The following TENM1 variants were observed in gnomAD, a reference collection of about 807,000 sequenced individuals.
The protein encoded by TENM1 is teneurin-1.
A neutral mutation model predicts 174.8 loss-of-function variants in TENM1; 35 were observed. The ratio of observed to expected loss-of-function variants is 0.20; its 90% confidence interval spans 0.15 to 0.27. The LOEUF (loss-of-function observed/expected upper bound fraction) is 0.27, where lower values mean the gene tolerates loss of function less well. Ranked by LOEUF, TENM1 falls within the 10% of genes least tolerant of loss-of-function variation. TENM1 has a pLI of 1.00. For synonymous variants in TENM1, 781 were observed against 798.7 expected (o/e 0.98, Z 0.37); for missense variants, 1,633 against 2,130.1 (o/e 0.77, Z 4.59).
chrX:124,758,414 T>G (rs2054320930), intron 3 of TENM1, among the ~76,000 whole-genome samples: 1 of 111,534 alleles, frequency 9.0e-6, no homozygotes, highest in African/African-American at 3.3e-5. Context: ...GTGGAGAAAT[T>G]GGAATCTTTG....
chrX:125,178,550 GAAAGA>G, the TENM1 span, among the ~76,000 whole-genome samples: 659 of 110,620 alleles, frequency 6.0e-3, 2 homozygotes, highest in Middle Eastern at 0.023. Flanking sequence ...CAAAAAAAAA[GAAAGA>G]AAAGAAGAAA....
At chrX:124,913,982 T>C (rs957787665) in intron 1 of TENM1, among the ~76,000 whole-genome samples, 1 of 111,957 alleles carries the variant, frequency 8.9e-6, no homozygotes, top group Non-Finnish European at 1.9e-5. Context: ...AGGCATGTAT[T>C]ATTATCTTGT....
chrX:124,869,320 G>A (rs1321954610), intron 3 of TENM1, among the ~76,000 whole-genome samples: 1 of 111,406 alleles, frequency 9.0e-6, no homozygotes, highest in Non-Finnish European at 1.9e-5. Context: ...AGAATGTGCA[G>A]AAAAGGGAAT....
intron 4 of TENM1, among the ~76,000 whole-genome samples, chrX:124,716,151 C>T (rs918094500): frequency 2.7e-5 from 3 of 111,911 alleles, no homozygotes; most frequent in African/African-American, 9.8e-5. Context: ...AAATCAGTCC[C>T]TTAATCTATC....
chrX:124,851,300 T>C (rs2056715279), intron 3 of TENM1, among the ~76,000 whole-genome samples: 1 of 111,655 alleles, frequency 9.0e-6, no homozygotes, highest in African/African-American at 3.2e-5. Context: ...TCAGTCCTTA[T>C]TTACAGGGCT....
intron 1 of TENM1, among the ~76,000 whole-genome samples, chrX:124,946,038 G>A (rs967507778): frequency 8.9e-6 from 1 of 111,987 alleles, no homozygotes; most frequent in Non-Finnish European, 1.9e-5. Flanking sequence ...GTCCCATGAT[G>A]TGTTAACCCT....
At position 124,736,999 on chromosome X, in the gene TENM1, T is replaced by A; in HGVS notation, c.734A>T (p.His245Leu). 1 of 1,211,558 alleles carries A rather than the reference T, an allele frequency of 8.3e-7. No homozygotes were observed. Among genetic ancestry groups the A allele is most frequent in the South Asian group, 1.8e-5 (1 of 56,921 alleles). The change falls in exon 4 of 32, where the codon CAT becomes CTT. Residue 245 changes from histidine to leucine, a missense_variant. By Grantham distance (99) the His-to-Leu change is moderately conservative (BLOSUM62 -3). Around this residue, in one of 4 missense-constraint regions of TENM1, gnomAD observed 305 missense variants for 309.2 expected, o/e 0.99. Transcript: ENST00000422452. ...GTTGCTGTTCAGGACCCAGCTGTTA[T>A]GCAGATGGACTGAATCCTGCGTGCT...
intron 3 of TENM1, among the ~76,000 whole-genome samples, chrX:124,863,351 C>T (rs2056946935): frequency 9.0e-6 from 1 of 111,098 alleles, no homozygotes; most frequent in African/African-American, 3.3e-5. Context: ...TATTGAACAG[C>T]ATTTCTGGAC....
chrX:124,760,410 C>T (rs1417827062), intron 3 of TENM1, among the ~76,000 whole-genome samples: 1 of 111,420 alleles, frequency 9.0e-6, no homozygotes, highest in African/African-American at 3.3e-5. Flanking sequence ...TAATTGAATC[C>T]CCTTTATTTC....
chrX:124,931,495 T>C (rs999622427), intron 1 of TENM1, among the ~76,000 whole-genome samples: 7 of 110,900 alleles, frequency 6.3e-5, no homozygotes, highest in Non-Finnish European at 9.4e-5. Context: ...AGAGGAACCA[T>C]GAGGCTGAAA....
At chrX:124,981,629 G>T in the TENM1 span, among the ~76,000 whole-genome samples, 1 of 111,130 alleles carries the variant, frequency 9.0e-6, no homozygotes, top group Non-Finnish European at 1.9e-5. Context: ...TAAACCCATG[G>T]GAGCGTGGAC....
chrX:124,894,339 A>G (rs2057525101), exon 3 of TENM1: 2 of 1,195,039 alleles, frequency 1.7e-6, no homozygotes, highest in African/African-American at 1.8e-5. Flanking sequence ...AACAAACAGG[A>G]GAGAATTTGA....
intron 3 of TENM1, among the ~76,000 whole-genome samples, chrX:124,869,517 G>T (rs1474089624): frequency 9.0e-6 from 1 of 111,517 alleles, no homozygotes; most frequent in Non-Finnish European, 1.9e-5. Flanking sequence ...AGAGATAGCT[G>T]CATGCCTGTG....
At chrX:125,080,718 C>T in the TENM1 span, among the ~76,000 whole-genome samples, 1 of 110,607 alleles carries the variant, frequency 9.0e-6, no homozygotes. Flanking sequence ...CCTGTGACTC[C>T]AGAATTTCTT....
At chrX:124,503,290 C>T (rs183706519) in intron 19 of TENM1, among the ~76,000 whole-genome samples, 334 of 110,945 alleles carry the variant, frequency 3.0e-3, no homozygotes, top group Non-Finnish European at 3.2e-3. Flanking sequence ...CACCTCTGCC[C>T]CCTTCTCCTG....
intron 3 of TENM1, among the ~76,000 whole-genome samples, chrX:124,865,026 A>C (rs1009439231): frequency 2.7e-5 from 3 of 111,557 alleles, no homozygotes; most frequent in Admixed American, 9.5e-5. Context: ...AATATCCTTC[A>C]AGCACGAAGG....
At chrX:124,515,529 T>C (rs2047683232) in intron 18 of TENM1, among the ~76,000 whole-genome samples, 1 of 110,979 alleles carries the variant, frequency 9.0e-6, no homozygotes, top group South Asian at 3.8e-4. Flanking sequence ...CAAAAATCAC[T>C]AGCATTCCTA....
At chrX:124,573,294 A>G (rs1438267520) in intron 11 of TENM1, among the ~76,000 whole-genome samples, 1 of 111,780 alleles carries the variant, frequency 8.9e-6, no homozygotes, top group Non-Finnish European at 1.9e-5. Flanking sequence ...ATGGATATAT[A>G]CATATTTGGA....
At chrX:125,134,735 T>C in the TENM1 span, among the ~76,000 whole-genome samples, 19 of 112,204 alleles carry the variant, frequency 1.7e-4, no homozygotes, top group African/African-American at 6.2e-4. Context: ...TCTCTGTAAT[T>C]CTCTTGGCAC....
Sources: gnomAD v4.1 joint callset for allele counts (sites outside exome capture counted in the v4.1 genomes callset) on GRCh38, gnomAD v4.1.1 for gene constraint, gnomAD v4.1.1 regional missense constraint, MANE v1.5 for transcripts, NCBI Gene and HGNC (gene_info 2026-07-23, HGNC 2026-07-21) for gene names.